Variants in FHIT observed in about 807,000 individuals in gnomAD.
The protein encoded by FHIT is fragile histidine triad diadenosine triphosphatase.
In FHIT, 19 loss-of-function variants were observed where a neutral mutation model predicts 17.9. The ratio of observed to expected loss-of-function variants is 1.06; its 90% CI spans 0.74 to 1.56. The LOEUF is 1.56. Among genes scored for constraint, FHIT ranks in the 40% most tolerant of loss-of-function variants. The pLI is 0.00. For synonymous variants in FHIT, 81 were observed against 69.7 expected, an observed-to-expected ratio of 1.16 and a Z score of -0.81; for missense variants, 248 against 189.2, an observed-to-expected ratio of 1.31 and a Z score of -1.82.
rs145831413 is a variant in FHIT at position 59,789,481 on chromosome 3, C to A, written c.349-37160G>T. Among the ~76,000 whole-genome samples, 845 of 152,302 alleles carry A rather than the reference C, an allele frequency of 5.5e-3. 6 individuals are homozygous for A. The highest frequency in any genetic ancestry group is 0.019 in the African/African-American group (784 of 41,576). Reference sequence around the variant, plus strand: ...AAGATTAATACTTTCTGTTCATTAGCAATCAAATATTGCAGGAAGGTTTAC... The same window carrying A: ...AAGATTAATACTTTCTGTTCATTAGAAATCAAATATTGCAGGAAGGTTTAC... On this transcript the variant is annotated intron_variant, in intron 8 of 9. Coordinates refer to ENST00000492590, the MANE Select transcript of FHIT (RefSeq NM_002012.4).
chr3:61,104,099 T>A (rs1455457065), intron 2 of FHIT, among the ~76,000 whole-genome samples: 2 of 152,170 alleles, frequency 1.3e-5, no homozygotes, highest in East Asian at 3.9e-4. Flanking sequence ...GTGGATTTGA[T>A]CCTGTCATCA....
At chr3:60,818,948 T>C (rs953727507) in intron 4 of FHIT, among the ~76,000 whole-genome samples, 2 of 152,186 alleles carry the variant, frequency 1.3e-5, no homozygotes, top group African/African-American at 4.8e-5. Context: ...CTTCCAAGTT[T>C]TGAATTTCAG....
intron 5 of FHIT, among the ~76,000 whole-genome samples, chr3:60,478,745 G>T (rs1434631573): frequency 6.6e-6 from 1 of 152,136 alleles, no homozygotes; most frequent in Admixed American, 6.5e-5. Flanking sequence ...GACATAAAAG[G>T]TGCTCCATTT....
At chr3:60,986,624 C>T (rs944549867) in intron 3 of FHIT, among the ~76,000 whole-genome samples, 1 of 151,964 alleles carries the variant, frequency 6.6e-6, no homozygotes, top group African/African-American at 2.4e-5. Context: ...ATTTTGATGC[C>T]CCCCAGTTAT....
At chr3:59,762,850 G>T (rs1575615269) in intron 8 of FHIT, among the ~76,000 whole-genome samples, 1 of 152,242 alleles carries the variant, frequency 6.6e-6, no homozygotes, top group African/African-American at 2.4e-5. Flanking sequence ...GTAGAAAACT[G>T]GTGAGGCAAA....
At position 61,107,544 on chromosome 3, in the gene FHIT, G is replaced by A. The variant is rs978238560; in HGVS notation, c.-163-65445C>T. Among the ~76,000 whole-genome samples the A allele has an allele frequency of 5.3e-5, 8 of 152,274 alleles. No homozygotes were observed. The East Asian group carries it at 1.2e-3, about 22-fold the overall frequency. ...CTAATTTTTTGAGGAAGTTCATACT[G>A]TTTTCTATAATGGCTGTACTAATGT... On this transcript the variant is annotated intron_variant, in intron 2 of 9. Coordinates refer to ENST00000492590, the MANE Select transcript of FHIT (RefSeq NM_002012.4).
At chr3:60,303,305 G>C (rs1048782946) in intron 5 of FHIT, among the ~76,000 whole-genome samples, 2 of 152,158 alleles carry the variant, frequency 1.3e-5, no homozygotes, top group East Asian at 3.9e-4. Context: ...ACTGCAGGAC[G>C]GCTAATGTGT....
At chr3:60,545,615 A>G (rs1204281593) in intron 4 of FHIT, among the ~76,000 whole-genome samples, 1 of 152,150 alleles carries the variant, frequency 6.6e-6, no homozygotes, top group Non-Finnish European at 1.5e-5. Flanking sequence ...CCTGAGGGTT[A>G]TTTCATAGTA....
intron 5 of FHIT, among the ~76,000 whole-genome samples, chr3:60,382,144 T>C (rs1700824424): frequency 6.6e-6 from 1 of 152,168 alleles, no homozygotes; most frequent in Non-Finnish European, 1.5e-5. Flanking sequence ...AGCCAATGGA[T>C]TGTGCCTCAC....
intron 5 of FHIT, among the ~76,000 whole-genome samples, chr3:60,331,656 G>A (rs1400033145): frequency 6.6e-6 from 1 of 152,138 alleles, no homozygotes; most frequent in African/African-American, 2.4e-5. Flanking sequence ...AGACCAGCCT[G>A]ACCAACATGG....
intron 5 of FHIT, among the ~76,000 whole-genome samples, chr3:60,037,492 C>A (rs1234888856): frequency 1.3e-5 from 2 of 151,206 alleles, no homozygotes; most frequent in Non-Finnish European, 2.9e-5. Flanking sequence ...AAGCAATTCT[C>A]ATGCTTCAGC....
chr3:60,955,784 C>G lies in FHIT; in HGVS notation c.-111+86263G>C, dbSNP rs1394668431. On this transcript the variant is annotated intron_variant, in intron 3 of 9. Coordinates refer to ENST00000492590, the MANE Select transcript of FHIT (RefSeq NM_002012.4). ...CAATAGGCAGGAGATGAGTTAGGTACAAAAACACTTCAGTAGATGGTAATG... is the reference window on the plus strand; with the variant it reads ...CAATAGGCAGGAGATGAGTTAGGTAGAAAAACACTTCAGTAGATGGTAATG... Among the ~76,000 whole-genome samples, 6 of 151,778 alleles carry G rather than the reference C, an allele frequency of 4.0e-5. 1 individual carries two copies. Among genetic ancestry groups the G allele is most frequent in the East Asian group, 1.9e-4 (1 of 5,168 alleles).
intron 5 of FHIT, among the ~76,000 whole-genome samples, chr3:60,133,098 G>A (rs1259559499): frequency 6.6e-6 from 1 of 152,104 alleles, no homozygotes; most frequent in Non-Finnish European, 1.5e-5. Flanking sequence ...AAAGCTAATG[G>A]AAATCCGGTG....
At chr3:60,693,666 A>G (rs1182944650) in intron 4 of FHIT, among the ~76,000 whole-genome samples, 1 of 152,242 alleles carries the variant, frequency 6.6e-6, no homozygotes, top group Non-Finnish European at 1.5e-5. Context: ...TCAGTGCTGA[A>G]GGCCCCATGG....
intron 3 of FHIT, among the ~76,000 whole-genome samples, chr3:60,913,535 C>T (rs1318499061): frequency 1.3e-5 from 2 of 152,202 alleles, no homozygotes; most frequent in African/African-American, 2.4e-5. Flanking sequence ...CTGTGGACCA[C>T]AAAATTTAAT....
intron 5 of FHIT, among the ~76,000 whole-genome samples, chr3:60,269,438 T>G (rs1706754933): frequency 6.6e-6 from 1 of 152,218 alleles, no homozygotes; most frequent in Non-Finnish European, 1.5e-5. Flanking sequence ...TGAGAAATCT[T>G]GGTATTTTCC....
intron 2 of FHIT, among the ~76,000 whole-genome samples, chr3:61,062,140 T>C (rs1018471491): frequency 1.3e-5 from 2 of 152,188 alleles, no homozygotes; most frequent in African/African-American, 2.4e-5. Flanking sequence ...GGAATTTCTA[T>C]GTCAAAATAT....
At chr3:60,607,740 G>A (rs782036820) in intron 4 of FHIT, among the ~76,000 whole-genome samples, 1 of 151,872 alleles carries the variant, frequency 6.6e-6, no homozygotes, top group Non-Finnish European at 1.5e-5. Context: ...CACTAATTTA[G>A]GAAAACTTTT....
intron 5 of FHIT, among the ~76,000 whole-genome samples, chr3:60,074,721 T>C (rs557007732): frequency 2.6e-5 from 4 of 152,052 alleles, no homozygotes; most frequent in African/African-American, 7.2e-5. Flanking sequence ...GAAATTACAA[T>C]AGTTTCTTCT....
Sources: gnomAD v4.1 joint callset for allele counts (sites outside exome capture counted in the v4.1 genomes callset) on GRCh38, gnomAD v4.1.1 for gene constraint, MANE v1.5 for transcripts, NCBI Gene and HGNC (gene_info 2026-07-23, HGNC 2026-07-21) for gene names.